Variants in CHN2 observed in about 807,000 individuals in gnomAD.
The protein encoded by CHN2 is beta-chimaerin.
A neutral mutation model predicts 56.3 loss-of-function variants in CHN2; 35 were observed. That is an observed-to-expected ratio of 0.62 (90% confidence interval 0.47 to 0.82). The LOEUF (loss-of-function observed/expected upper bound fraction) is 0.82. Ranked by LOEUF, CHN2 falls within the 40% of genes least tolerant of loss-of-function variation. The probability of loss-of-function intolerance (pLI) is 0.00; values close to 1 mark genes in which losing one functional copy is unlikely to be tolerated. For missense variants in CHN2, 491 were observed against 580.5 expected, an observed-to-expected ratio of 0.85 and a Z score of 1.58; for synonymous variants, 210 against 212.8, an observed-to-expected ratio of 0.99 and a Z score of 0.12.
intron 1 of CHN2, among the ~76,000 whole-genome samples, chr7:29,277,659 C>T (rs545895129): frequency 6.6e-6 from 1 of 152,330 alleles, no homozygotes; most frequent in Non-Finnish European, 1.5e-5. Context: ...CACCAGCCTG[C>T]CCACACCTGT....
chr7:29,200,462 C>T (rs1239614279), intron 1 of CHN2, among the ~76,000 whole-genome samples: 1 of 126,806 alleles, frequency 7.9e-6, no homozygotes, highest in Non-Finnish European at 1.7e-5. Context: ...TCGCCCCTTC[C>T]CCCCTCCCCC....
At chr7:29,154,527 G>A (rs245898) in intron 2 of CHN2, among the ~76,000 whole-genome samples, 85,045 of 152,028 alleles carry the variant, frequency 0.56, 24,618 homozygotes, top group African/African-American at 0.72. Context: ...ACACCTGATC[G>A]ATATTTAAAG....
intron 3 of CHN2, among the ~76,000 whole-genome samples, chr7:29,383,815 G>C (rs1585219997): frequency 6.6e-6 from 1 of 152,146 alleles, no homozygotes; most frequent in South Asian, 2.1e-4. Flanking sequence ...TAAGCTGAGA[G>C]CAATGTGACA....
chr7:29,414,732 A>G (rs1803559803), intron 6 of CHN2, among the ~76,000 whole-genome samples: 1 of 152,122 alleles, frequency 6.6e-6, no homozygotes, highest in East Asian at 1.9e-4. Context: ...TGTGTCCAAG[A>G]GGCCGGCAAA....
intron 1 of CHN2, among the ~76,000 whole-genome samples, chr7:29,262,492 A>G (rs1405347805): frequency 1.3e-5 from 2 of 152,250 alleles, no homozygotes; most frequent in East Asian, 3.8e-4. Flanking sequence ...AATTTAGATG[A>G]TAAAGATCTT....
chr7:29,298,265 C>T (rs988924951), intron 1 of CHN2, among the ~76,000 whole-genome samples: 15 of 152,172 alleles, frequency 9.9e-5, no homozygotes, highest in African/African-American at 3.6e-4. Context: ...TAGCCATGCT[C>T]ACTTGTGCTC....
intron 1 of CHN2, among the ~76,000 whole-genome samples, chr7:29,349,750 T>A (rs894589788): frequency 2.6e-5 from 4 of 152,258 alleles, no homozygotes; most frequent in Non-Finnish European, 5.9e-5. Context: ...CTCTTTGATC[T>A]TTATAATTCA....
chr7:29,370,108 CAGG>C (rs2128043370), intron 3 of CHN2, among the ~76,000 whole-genome samples: 1 of 152,300 alleles, frequency 6.6e-6, no homozygotes, highest in East Asian at 1.9e-4. Flanking sequence ...TGAGTGTCTG[CAGG>C]AGTAGCTTCA....
chr7:29,379,958 G>A (rs1032146175), intron 3 of CHN2, among the ~76,000 whole-genome samples: 2 of 151,894 alleles, frequency 1.3e-5, no homozygotes, highest in East Asian at 1.9e-4. Context: ...TGCTAAAGTA[G>A]GTAATTTGTA....
intron 6 of CHN2, chr7:29,445,154 A>G: frequency 2.2e-6 from 1 of 456,024 alleles, no homozygotes; most frequent in Non-Finnish European, 4.4e-6. Context: ...GAGAAATCCC[A>G]CCAGTACATG....
intron 1 of CHN2, among the ~76,000 whole-genome samples, chr7:29,315,059 G>C (rs920687501): frequency 6.6e-6 from 1 of 151,926 alleles, no homozygotes; most frequent in Non-Finnish European, 1.5e-5. Flanking sequence ...TGAAAATATT[G>C]TATAATATCC....
intron 1 of CHN2, among the ~76,000 whole-genome samples, chr7:29,279,650 C>T (rs39109): frequency 0.22 from 32,759 of 152,036 alleles, 3,811 homozygotes; most frequent in Non-Finnish European, 0.26. Flanking sequence ...GCTCCCCAGT[C>T]GGAAAACAGG....
intron 2 of CHN2, among the ~76,000 whole-genome samples, chr7:29,173,737 G>A (rs1796904318): frequency 6.6e-6 from 1 of 150,700 alleles, no homozygotes; most frequent in Non-Finnish European, 1.5e-5. Context: ...GAGGTCAGGT[G>A]CCCGGCCTGT....
At chr7:29,436,942 AATT>A (rs1783268836) in intron 6 of CHN2, among the ~76,000 whole-genome samples, 1 of 143,976 alleles carries the variant, frequency 6.9e-6, no homozygotes, top group African/African-American at 2.8e-5. Flanking sequence ...TTCTTATTAA[AATT>A]AATAATAATA....
chr7:29,301,236 T>G (rs1793628987), intron 1 of CHN2, among the ~76,000 whole-genome samples: 1 of 151,942 alleles, frequency 6.6e-6, no homozygotes, highest in African/African-American at 2.4e-5. Flanking sequence ...ATGAGGTAAA[T>G]TTAATTATTT....
chr7:29,465,146 A>G (rs886729978), intron 6 of CHN2, among the ~76,000 whole-genome samples: 1 of 152,192 alleles, frequency 6.6e-6, no homozygotes, highest in African/African-American at 2.4e-5. Context: ...TTATTCTGCC[A>G]AGTGCCTCTG....
intron 2 of CHN2, among the ~76,000 whole-genome samples, chr7:29,171,592 C>G (rs936036240): frequency 1.3e-5 from 2 of 152,150 alleles, no homozygotes; most frequent in Non-Finnish European, 2.9e-5. Flanking sequence ...ACCGGAAAGA[C>G]AAACTCTAAT....
chr7:29,263,901 C>G (rs906061645), intron 1 of CHN2, among the ~76,000 whole-genome samples: 4 of 149,348 alleles, frequency 2.7e-5, no homozygotes, highest in South Asian at 2.1e-4. Context: ...GGAGCGTCTC[C>G]GCCCGGCAGC....
intron 1 of CHN2, among the ~76,000 whole-genome samples, chr7:29,261,224 A>G (rs557180106): frequency 6.6e-6 from 1 of 152,298 alleles, no homozygotes; most frequent in African/African-American, 2.4e-5. Context: ...AGGCTCAGAG[A>G]GGTTAGTAAC....
Sources: allele counts gnomAD v4.1 joint callset (sites outside exome capture counted in the v4.1 genomes callset), GRCh38; gene constraint gnomAD v4.1.1; transcripts MANE v1.5; gene names NCBI Gene and HGNC (gene_info 2026-07-23, HGNC 2026-07-21).